The following ANKH variants were observed in gnomAD, a reference collection of about 807,000 sequenced individuals.
ANKH encodes mineralization regulator ANKH.
Under a neutral mutation model 49.0 loss-of-function variants are expected in ANKH, and 15 were observed. That is an observed-to-expected ratio of 0.31 (90% CI 0.20 to 0.47). The LOEUF (loss-of-function observed/expected upper bound fraction) is 0.47, where lower values mean the gene tolerates loss of function less well. Among genes scored for constraint, ANKH ranks in the 20% least tolerant of loss-of-function variants. The pLI is 1.00. For missense variants in ANKH, 429 were observed against 652.0 expected (o/e 0.66, Z 3.72); for synonymous variants, 273 against 260.0 (o/e 1.05, Z -0.48).
intron 1 of ANKH, among the ~76,000 whole-genome samples, chr5:14,782,440 C>T (rs970839188): frequency 3.3e-5 from 5 of 152,084 alleles, no homozygotes; most frequent in African/African-American, 1.2e-4. Flanking sequence ...TCACAGCTAG[C>T]GATCCTAACC....
chr5:14,731,804 T>G (rs1738011988), intron 8 of ANKH, among the ~76,000 whole-genome samples: 1 of 152,204 alleles, frequency 6.6e-6, no homozygotes, highest in South Asian at 2.1e-4. Flanking sequence ...TAGGCTGCAC[T>G]AGGGAAAGTG....
At chr5:14,860,910 G>A (rs1010824423) in intron 1 of ANKH, among the ~76,000 whole-genome samples, 1 of 152,002 alleles carries the variant, frequency 6.6e-6, no homozygotes, top group Non-Finnish European at 1.5e-5. Flanking sequence ...AGCCTCCCAA[G>A]TAGCTAGGAC....
intron 8 of ANKH, among the ~76,000 whole-genome samples, chr5:14,727,853 G>C (rs1935136312): frequency 6.6e-6 from 1 of 152,026 alleles, no homozygotes; most frequent in African/African-American, 2.4e-5. Context: ...TTGGTACACT[G>C]TATGTGTATT....
At chr5:14,768,565 C>A in intron 2 of ANKH, 1 of 248,380 alleles carries the variant, frequency 4.0e-6, no homozygotes, top group Non-Finnish European at 7.9e-6. Flanking sequence ...ATAAATAGAA[C>A]AATCTGTCAT....
intron 1 of ANKH, among the ~76,000 whole-genome samples, chr5:14,796,220 A>G (rs1272678549): frequency 1.3e-5 from 2 of 150,228 alleles, no homozygotes; most frequent in African/African-American, 4.9e-5. Context: ...GCACTTACAC[A>G]GTTAGTCATG....
chr5:14,860,171 G>A (rs554160117), intron 1 of ANKH, among the ~76,000 whole-genome samples: 2 of 152,210 alleles, frequency 1.3e-5, no homozygotes, highest in Non-Finnish European at 2.9e-5. Context: ...GGTGATGCAA[G>A]GCTGCATCCA....
chr5:14,779,734 G>A (rs1291928885), intron 1 of ANKH, among the ~76,000 whole-genome samples: 1 of 152,184 alleles, frequency 6.6e-6, no homozygotes, highest in Non-Finnish European at 1.5e-5. Flanking sequence ...TATGCAAAGT[G>A]CTGACAATGT....
At chr5:14,828,059 C>A (rs1055171695) in intron 1 of ANKH, among the ~76,000 whole-genome samples, 1 of 152,194 alleles carries the variant, frequency 6.6e-6, no homozygotes, top group African/African-American at 2.4e-5. Flanking sequence ...TTCTAGGCTG[C>A]GGCTACAACA....
chr5:14,735,945 C>T (rs1412507420), intron 8 of ANKH, among the ~76,000 whole-genome samples: 1 of 151,592 alleles, frequency 6.6e-6, no homozygotes, highest in Non-Finnish European at 1.5e-5. Flanking sequence ...TCACGGTCTC[C>T]CTTTAACCCC....
intron 7 of ANKH, among the ~76,000 whole-genome samples, chr5:14,743,676 G>A (rs1738437367): frequency 6.6e-6 from 1 of 152,192 alleles, no homozygotes; most frequent in Admixed American, 6.5e-5. Context: ...ATATGGAGGT[G>A]CCTAAGATTT....
At chr5:14,828,043 C>T (rs1043048348) in intron 1 of ANKH, among the ~76,000 whole-genome samples, 2 of 152,188 alleles carry the variant, frequency 1.3e-5, no homozygotes, top group Non-Finnish European at 2.9e-5. Flanking sequence ...AAACATGTTG[C>T]TTTGTTTCTA....
At chr5:14,820,818 C>T (rs31918) in intron 1 of ANKH, among the ~76,000 whole-genome samples, 44,308 of 152,118 alleles carry the variant, frequency 0.29, 6,520 homozygotes, top group Admixed American at 0.36. Flanking sequence ...GTTATTACAG[C>T]CAGGTGCAGT....
chr5:14,709,059 A>C lies in ANKH; in HGVS notation c.*2138T>G, dbSNP rs960464607. ...CAGGTATGTGCTACCACCCCCAGCT[A>C]ATTTTTATGTTTTTAGTAGAGACAG... On this transcript the variant is annotated 3_prime_UTR_variant, in exon 12 of 12. Coordinates refer to ENST00000284268, the MANE Select transcript of ANKH (RefSeq NM_054027.6). 1 of 152,194 alleles carries C rather than the reference A, an allele frequency of 6.6e-6. No homozygotes were observed. Among genetic ancestry groups the C allele is most frequent in the Non-Finnish European group, 1.5e-5 (1 of 68,078 alleles). 9.4% of individuals were successfully genotyped at this position (152,194 alleles called of 1,614,324 possible). A position where few individuals can be genotyped will look rare whatever the true frequency, so the allele number is the denominator to read the frequency against.
intron 1 of ANKH, among the ~76,000 whole-genome samples, chr5:14,805,447 GTATATATATATGTACACACA>G (rs1740679692): frequency 2.3e-5 from 2 of 87,620 alleles, no homozygotes; most frequent in African/African-American, 9.4e-5. Context: ...ATGTGTGTGT[GTATATATATATGTACACACA>G]CATATATGTT....
At chr5:14,744,451 G>A (rs1297981802) in intron 7 of ANKH, among the ~76,000 whole-genome samples, 1 of 134,638 alleles carries the variant, frequency 7.4e-6, no homozygotes, top group Admixed American at 7.2e-5. Context: ...ACGTGACCAT[G>A]GGTAAGGGAA....
At chr5:14,728,966 A>G (rs1296525857) in intron 8 of ANKH, among the ~76,000 whole-genome samples, 1 of 152,184 alleles carries the variant, frequency 6.6e-6, no homozygotes, top group African/African-American at 2.4e-5. Flanking sequence ...TCCACTACAC[A>G]TGGACAGTAG....
At chr5:14,838,091 C>T (rs138984880) in intron 1 of ANKH, among the ~76,000 whole-genome samples, 30 of 152,044 alleles carry the variant, frequency 2.0e-4, no homozygotes, top group East Asian at 1.6e-3. Context: ...GGGTGGGAAA[C>T]ATCACGCACC....
At chr5:14,773,353 CTTTTTTT>C (rs71603741) in intron 1 of ANKH, among the ~76,000 whole-genome samples, 5 of 76,998 alleles carry the variant, frequency 6.5e-5, no homozygotes, top group Admixed American at 2.0e-4. Context: ...GCAAAGCATT[CTTTTTTT>C]TTTTTTTTTT....
At chr5:14,763,647 C>T (rs1349462296) in intron 2 of ANKH, among the ~76,000 whole-genome samples, 1 of 152,240 alleles carries the variant, frequency 6.6e-6, no homozygotes, top group Non-Finnish European at 1.5e-5. Flanking sequence ...ATCTCACTGG[C>T]ATCAAGACTT....
Sources: gnomAD v4.1 joint callset for allele counts (sites outside exome capture counted in the v4.1 genomes callset) on GRCh38, gnomAD v4.1.1 for gene constraint, MANE v1.5 for transcripts, NCBI Gene and HGNC (gene_info 2026-07-23, HGNC 2026-07-21) for gene names.